Variants in MSN observed in about 807,000 individuals in gnomAD.
MSN encodes moesin.
In MSN, 2 loss-of-function variants were observed where a neutral mutation model predicts 48.0. The observed-to-expected ratio is 0.04, with a 90% confidence interval of 0.02 to 0.13. The LOEUF is 0.13. MSN is among the 10% of genes least tolerant of loss of function. The pLI is 1.00. For missense variants in MSN, 267 were observed against 470.1 expected (o/e 0.57, Z 3.99); for synonymous variants, 146 against 166.9 (o/e 0.87, Z 0.97).
chrX:65,620,836 C>T (rs1004907496), intron 1 of MSN, among the ~76,000 whole-genome samples: 1 of 107,591 alleles, frequency 9.3e-6, no homozygotes, highest in African/African-American at 3.4e-5. Context: ...TCCAAGGATC[C>T]ATTGTCAAAT....
chrX:65,609,943 C>A (rs370106048), intron 1 of MSN, among the ~76,000 whole-genome samples: 118 of 111,539 alleles, frequency 1.1e-3, no homozygotes, highest in African/African-American at 3.7e-3. Flanking sequence ...TCTCCTCTCA[C>A]TAGAATATTC....
chrX:65,708,094 C>T (rs950710062), intron 1 of MSN, among the ~76,000 whole-genome samples: 1 of 110,948 alleles, frequency 9.0e-6, no homozygotes, highest in African/African-American at 3.3e-5. Flanking sequence ...AAGCTGTCCT[C>T]CCACCTTGGT....
rs1186721989 is a variant in MSN at position 65,589,315 on chromosome X, G to A, written c.-22+703G>A. Among the ~76,000 whole-genome samples the A allele has an allele frequency of 2.8e-5, 3 of 108,946 alleles. No homozygotes were observed. The East Asian group carries it at 8.7e-4, about 31-fold the overall frequency. The allele number at this position is 108,946 out of a possible 115,157, so 94.6% of individuals were successfully genotyped here. ...TTGCCTGTCTGTAACTTTCCCTGCT[G>A]TATACCGTGGCACAACTATTCTCTC... On this transcript the variant is annotated intron_variant, in intron 1 of 3. Coordinates refer to the MSN transcript ENST00000609672.
intron 2 of MSN, among the ~76,000 whole-genome samples, chrX:65,718,291 A>G (rs772842238): frequency 9.0e-6 from 1 of 110,617 alleles, no homozygotes; most frequent in East Asian, 2.8e-4. Flanking sequence ...AATATCTAAT[A>G]CTTACCTCAC....
intron 1 of MSN, among the ~76,000 whole-genome samples, chrX:65,636,332 T>C (rs2070598731): frequency 8.9e-6 from 1 of 111,812 alleles, no homozygotes; most frequent in Admixed American, 9.6e-5. Context: ...ACTTGCTATG[T>C]TTCCCTTTAG....
chrX:65,673,872 A>G (rs1015912996), intron 1 of MSN, among the ~76,000 whole-genome samples: 2 of 111,404 alleles, frequency 1.8e-5, no homozygotes, highest in African/African-American at 6.5e-5. Flanking sequence ...CTAAAACCTA[A>G]CTTGCTTGGC....
At chrX:65,590,745 CG>C (rs1182310164) in intron 1 of MSN, among the ~76,000 whole-genome samples, 3 of 110,150 alleles carry the variant, frequency 2.7e-5, no homozygotes, top group Non-Finnish European at 5.7e-5. Context: ...TTCCAGCAGA[CG>C]GAAGTCCAGC....
At chrX:65,729,834 G>A in intron 4 of MSN, 122 bp downstream of exon 4, 1 of 722,060 alleles carries the variant, frequency 1.4e-6, no homozygotes, top group East Asian at 3.5e-5. Context: ...TCTGAAGACT[G>A]TGTTATGCTG....
chrX:65,650,354 C>T (rs1362038792), intron 1 of MSN, among the ~76,000 whole-genome samples: 3 of 112,246 alleles, frequency 2.7e-5, no homozygotes, highest in Non-Finnish European at 1.9e-5. Flanking sequence ...TCCCAAAGTG[C>T]TGGGATTACA....
chrX:65,642,328 C>T (rs1298053598), intron 1 of MSN, among the ~76,000 whole-genome samples: 1 of 104,954 alleles, frequency 9.5e-6, no homozygotes, highest in East Asian at 2.9e-4. Flanking sequence ...GGTTATAAAC[C>T]AGAATGTAGA....
intron 1 of MSN, among the ~76,000 whole-genome samples, chrX:65,711,016 C>T (rs1189108058): frequency 9.5e-6 from 1 of 105,347 alleles, no homozygotes; most frequent in East Asian, 3.0e-4. Flanking sequence ...TCCAGAGTAG[C>T]TGGGACTACA....
At chrX:65,634,523 G>A (rs898852370) in intron 1 of MSN, among the ~76,000 whole-genome samples, 7 of 110,887 alleles carry the variant, frequency 6.3e-5, no homozygotes, top group African/African-American at 2.3e-4. Context: ...TGAGGCAGGA[G>A]AATCACTTGA....
chrX:65,649,725 A>G (rs1251804680), intron 1 of MSN, among the ~76,000 whole-genome samples: 1 of 107,692 alleles, frequency 9.3e-6, no homozygotes, highest in Non-Finnish European at 1.9e-5. Flanking sequence ...GCTGGGTTCC[A>G]GCTCACTGGC....
At chrX:65,716,925 C>T in intron 2 of MSN, 24 bp downstream of exon 2, 1 of 1,169,955 alleles carries the variant, frequency 8.5e-7, no homozygotes, top group Middle Eastern at 2.4e-4. Context: ...TCCTTAGCCT[C>T]CTCTCCTTCT....
At chrX:65,661,398 T>C (rs1355849826) in intron 1 of MSN, among the ~76,000 whole-genome samples, 3 of 112,384 alleles carry the variant, frequency 2.7e-5, no homozygotes, top group Non-Finnish European at 5.6e-5. Context: ...TAATTGTGTG[T>C]ATGTGGCAAA....
In MSN at chrX:65,589,178, G is replaced by A. The variant is rs377678106; in HGVS notation, c.-22+566G>A. On this transcript the variant is annotated intron_variant, in intron 1 of 3. Transcript: ENST00000609672. ...CCCCTGCACTTAGCCTCCCTTGGTG[G>A]CTCTTCCATTTACTTCTTTCCCCAC... 48 of 123,251 alleles carry A rather than the reference G, an allele frequency of 3.9e-4. No individual in the cohort carries two copies. In the East Asian group the frequency reaches 6.9e-3, roughly 18 times the overall value. 10.2% of individuals were successfully genotyped at this position (123,251 alleles called of 1,213,427 possible).
intron 1 of MSN, among the ~76,000 whole-genome samples, chrX:65,712,480 A>G (rs928068469): frequency 7.2e-5 from 8 of 110,696 alleles, no homozygotes. Context: ...CTTTGGCAAT[A>G]CTATATCTAG....
At chrX:65,619,662 C>T (rs1451808412) in intron 1 of MSN, among the ~76,000 whole-genome samples, 4 of 106,670 alleles carry the variant, frequency 3.7e-5, no homozygotes, top group Non-Finnish European at 7.6e-5. Context: ...AATGTCCTCC[C>T]GTAGCTCAGA....
At chrX:65,654,123 T>TG (rs1385171542) in intron 1 of MSN, among the ~76,000 whole-genome samples, 1 of 92,017 alleles carries the variant, frequency 1.1e-5, no homozygotes, top group African/African-American at 4.1e-5. Flanking sequence ...TTTTTTTTTT[T>TG]GGGACAGAGT....
Sources: gnomAD v4.1 joint callset for allele counts (sites outside exome capture counted in the v4.1 genomes callset) on GRCh38, gnomAD v4.1.1 for gene constraint, MANE v1.5 for transcripts, NCBI Gene and HGNC (gene_info 2026-07-23, HGNC 2026-07-21) for gene names.